KREMEN1: variants seen among roughly 807,000 people sequenced by gnomAD.
KREMEN1 encodes the protein kremen protein 1.
Under a neutral mutation model 46.5 loss-of-function variants are expected in KREMEN1, and 30 were observed. The observed-to-expected ratio is 0.65, with a 90% CI of 0.48 to 0.88. The LOEUF (loss-of-function observed/expected upper bound fraction) is 0.88, where lower values mean the gene tolerates loss of function less well. Ranked by LOEUF, KREMEN1 falls within the 40% of genes least tolerant of loss-of-function variation. The probability of loss-of-function intolerance (pLI) is 0.00; values close to 1 mark genes in which losing one functional copy is unlikely to be tolerated. For missense variants in KREMEN1, 533 were observed against 596.9 expected (o/e 0.89, Z 1.11); for synonymous variants, 214 against 230.6 (o/e 0.93, Z 0.65).
In KREMEN1 at chr22:29,146,439, A is replaced by G. The variant is rs1423356645; in HGVS notation, c.*4327A>G. ...CAGAAGTGGGGTGTGGAGGAAAGTC[A>G]GAGGGAAATCTGCTTCAGAAAGGAA... On this transcript the variant is annotated 3_prime_UTR_variant, in exon 9 of 9. Transcript: ENST00000400335. The G allele has an allele frequency of 1.3e-5, 13 of 985,652 alleles. No homozygotes were observed. The highest frequency in any genetic ancestry group is 1.6e-5 in the Non-Finnish European group (13 of 829,948). 61.1% of individuals were successfully genotyped at this position (985,652 alleles called of 1,614,324 possible).
intron 2 of KREMEN1, among the ~76,000 whole-genome samples, chr22:29,095,704 C>A (rs2037873424): frequency 6.6e-6 from 1 of 152,200 alleles, no homozygotes; most frequent in African/African-American, 2.4e-5. Flanking sequence ...CTGCCCTCTA[C>A]ATACCTTTGC....
chr22:29,158,234 C>T (rs73397032), intron 9 of KREMEN1, among the ~76,000 whole-genome samples: 1,653 of 152,286 alleles, frequency 0.011, 28 homozygotes, highest in African/African-American at 0.035. Flanking sequence ...AGGTTCCTCA[C>T]GTGCAGCCAG....
At chr22:29,104,681 C>T (rs1326429001) in intron 3 of KREMEN1, among the ~76,000 whole-genome samples, 3 of 152,172 alleles carry the variant, frequency 2.0e-5, no homozygotes, top group South Asian at 2.1e-4. Context: ...CCAAGGTGGG[C>T]GGATCACCTG....
downstream of KREMEN1, among the ~76,000 whole-genome samples, chr22:29,147,434 G>A (rs1217664265): frequency 6.6e-6 from 1 of 152,166 alleles, no homozygotes. Context: ...TTCGCCATGG[G>A]TACCACTTTC....
Position 29,073,413 on chromosome 22 carries a change from C to A in KREMEN1, c.97+186C>A, listed in dbSNP as rs2037507562. Among the ~76,000 whole-genome samples the A allele has an allele frequency of 2.0e-5, 3 of 151,906 alleles. No homozygotes were observed. The highest frequency in any genetic ancestry group is 6.5e-5 in the Admixed American group (1 of 15,278). ...CTGGGACCCGGGCTACCCCCAGGCC[C>A]GTCATCGACGCCCCCGGGCCCGGTA... On this transcript the variant is annotated intron_variant, in intron 1 of 8. Transcript: ENST00000400335. The surrounding 1 kb of genome is among the most constrained non-coding windows in gnomAD (Gnocchi z 4.4).
At chr22:29,162,374 A>G (rs2039019171) in intron 9 of KREMEN1, among the ~76,000 whole-genome samples, 1 of 151,728 alleles carries the variant, frequency 6.6e-6, no homozygotes, top group African/African-American at 2.4e-5. Context: ...ACCCACAGCC[A>G]ACATCATACT....
At chr22:29,126,078 G>A (rs577652747) in intron 5 of KREMEN1, among the ~76,000 whole-genome samples, 42 of 149,844 alleles carry the variant, frequency 2.8e-4, no homozygotes, top group Non-Finnish European at 5.5e-4. Flanking sequence ...TAATTACAGC[G>A]CTGTGCAGCA....
intron 1 of KREMEN1, among the ~76,000 whole-genome samples, chr22:29,077,741 T>G (rs1373808724): frequency 6.6e-6 from 1 of 152,204 alleles, no homozygotes; most frequent in Non-Finnish European, 1.5e-5. Context: ...GGTCCATGTC[T>G]TCTGATTTTT....
intron 3 of KREMEN1, among the ~76,000 whole-genome samples, chr22:29,110,600 C>A (rs1001072627): frequency 6.6e-6 from 1 of 152,172 alleles, no homozygotes; most frequent in South Asian, 2.1e-4. Context: ...ACTACCTCCC[C>A]CTAAGGGCAG....
chr22:29,131,936 G>A (rs750820329), intron 5 of KREMEN1, among the ~76,000 whole-genome samples: 2 of 123,814 alleles, frequency 1.6e-5, no homozygotes, highest in Non-Finnish European at 1.6e-5. Context: ...GCAATGGCGC[G>A]ATCTTGGCTC....
intron 9 of KREMEN1, among the ~76,000 whole-genome samples, chr22:29,160,886 C>G (rs1405952404): frequency 6.6e-6 from 1 of 152,096 alleles, no homozygotes; most frequent in Non-Finnish European, 1.5e-5. Context: ...CAGAGTAGAA[C>G]TTAATGAAAT....
In KREMEN1 at chr22:29,165,835, A is replaced by G. The variant is rs138877371; in HGVS notation, c.1417-1209A>G. 4.6e-3 allele frequency among the ~76,000 whole-genome samples: 704 copies of G among 152,156 alleles called. 8 individuals are homozygous for G. The highest frequency in any genetic ancestry group is 0.016 in the African/African-American group (679 of 41,514). On this transcript the variant is annotated intron_variant, in intron 9 of 9. Transcript: ENST00000327813. ...CTCCTCCTGCCGGGTCCCTAGGGGG[A>G]CTTGCATCTTCTCTCAGACTCTCAC...
chr22:29,080,778 A>G (rs2037187446), intron 1 of KREMEN1, among the ~76,000 whole-genome samples: 1 of 152,124 alleles, frequency 6.6e-6, no homozygotes, highest in African/African-American at 2.4e-5. Context: ...GGCTGTCACA[A>G]CTAAAGAGGT....
chr22:29,145,898 C>T lies in KREMEN1; in HGVS notation c.*3786C>T, dbSNP rs999608870. 36 of 985,736 alleles carry T rather than the reference C, an allele frequency of 3.7e-5. 1 individual carries two copies. The Admixed American group carries it at 1.5e-3, about 42-fold the overall frequency. The allele number at this position is 985,736 out of a possible 1,614,324, so 61.1% of individuals were successfully genotyped here. A position where few individuals can be genotyped will look rare whatever the true frequency, so the allele number is the denominator to read the frequency against. On this transcript the variant is annotated 3_prime_UTR_variant, in exon 9 of 9. Transcript: ENST00000400335. ...CCCACGGGCGTGCCTGGGTGCGGCT[C>T]CACCCACATGCCCCACTGTCAGCCC...
intron 4 of KREMEN1, among the ~76,000 whole-genome samples, chr22:29,123,504 A>T (rs1441516478): frequency 6.6e-6 from 1 of 152,250 alleles, no homozygotes; most frequent in Non-Finnish European, 1.5e-5. Context: ...ACATGAAAAG[A>T]TAGTCATCTG....
intron 3 of KREMEN1, among the ~76,000 whole-genome samples, chr22:29,100,863 A>G (rs2037964622): frequency 6.6e-6 from 1 of 152,230 alleles, no homozygotes; most frequent in Admixed American, 6.5e-5. Flanking sequence ...GGCCTAGGTT[A>G]TTGTGTGTGT....
intron 3 of KREMEN1, among the ~76,000 whole-genome samples, chr22:29,101,698 C>T (rs2037978638): frequency 6.6e-6 from 1 of 152,142 alleles, no homozygotes; most frequent in South Asian, 2.1e-4. Flanking sequence ...GTTACAGTTG[C>T]CTACAGTATT....
At chr22:29,156,428 A>C (rs2038962282) in intron 9 of KREMEN1, among the ~76,000 whole-genome samples, 1 of 152,252 alleles carries the variant, frequency 6.6e-6, no homozygotes, top group Non-Finnish European at 1.5e-5. Context: ...CCAAGTTGGT[A>C]ATTAACCCTC....
intron 1 of KREMEN1, among the ~76,000 whole-genome samples, chr22:29,085,900 G>A (rs1253801426): frequency 1.3e-5 from 2 of 151,964 alleles, no homozygotes; most frequent in East Asian, 1.9e-4. Context: ...GAGCCCAGGA[G>A]GTAGAGGCCG....
Sources: gnomAD v4.1 joint callset for allele counts (sites outside exome capture counted in the v4.1 genomes callset) on GRCh38, gnomAD v4.1.1 for gene constraint, Gnocchi (gnomAD v3.1) non-coding constraint, MANE v1.5 for transcripts, NCBI Gene and HGNC (gene_info 2026-07-23, HGNC 2026-07-21) for gene names.